SHISA9: variants seen among roughly 807,000 people sequenced by gnomAD.
The protein encoded by SHISA9 is shisa family member 9.
In SHISA9, 13 loss-of-function variants were observed where a neutral mutation model predicts 38.0. The ratio of observed to expected loss-of-function variants is 0.34; its 90% CI spans 0.22 to 0.54. SHISA9 has a LOEUF of 0.54. Ranked by LOEUF, SHISA9 falls within the 20% of genes least tolerant of loss-of-function variation. The pLI is 0.91. For missense variants in SHISA9, 538 were observed against 575.8 expected (o/e 0.93, Z 0.67); for synonymous variants, 275 against 242.0 (o/e 1.14, Z -1.27).
At chr16:13,052,550 G>A (rs2073264803) in intron 2 of SHISA9, among the ~76,000 whole-genome samples, 2 of 152,268 alleles carry the variant, frequency 1.3e-5, no homozygotes, top group South Asian at 4.2e-4. Context: ...TGAAATAATT[G>A]AGTCTTGAAC....
At chr16:13,292,310 A>G in the SHISA9 span, among the ~76,000 whole-genome samples, 4 of 152,062 alleles carry the variant, frequency 2.6e-5, no homozygotes, top group Non-Finnish European at 5.9e-5. Flanking sequence ...AAAATTATGC[A>G]GTTGGAATCC....
the SHISA9 span, among the ~76,000 whole-genome samples, chr16:13,529,656 C>T: frequency 2.0e-5 from 3 of 152,332 alleles, no homozygotes; most frequent in South Asian, 6.2e-4. Context: ...AACCTCCTTG[C>T]AATATGTGAC....
At chr16:13,323,695 G>T in the SHISA9 span, among the ~76,000 whole-genome samples, 245 of 152,290 alleles carry the variant, frequency 1.6e-3, no homozygotes, top group South Asian at 5.2e-3. Context: ...TCACAAGGTG[G>T]CAGGAAGAAG....
chr16:13,117,054 C>T (rs574836285), intron 2 of SHISA9, among the ~76,000 whole-genome samples: 2 of 152,232 alleles, frequency 1.3e-5, no homozygotes, highest in East Asian at 3.9e-4. Flanking sequence ...CTCACTGCAA[C>T]CTCCACCTCC....
rs753329282 is a variant in SHISA9, at chr16:13,203,411, A to C, written c.709A>C (p.Asn237His). The C allele has an allele frequency of 1.3e-6, 2 of 1,537,606 alleles. No individual in the cohort carries two copies. The highest frequency in any genetic ancestry group is 1.4e-5 in the African/African-American group (1 of 72,526). Residue 237 changes from asparagine to histidine, a missense_variant, in exon 3 of 5, where the codon AAC becomes CAC. Asn to His is a moderately conservative substitution (Grantham distance 68, BLOSUM62 1). Transcript: ENST00000558583. ...INNLHATQMN[N>H]AVPTSPLLQQ... ...ACTTCCAGATGCCACCCAGATGAACAACGCAGTGCCCACCTCTCCTCTGCT... is the reference window on the plus strand; with the variant it reads ...ACTTCCAGATGCCACCCAGATGAACCACGCAGTGCCCACCTCTCCTCTGCT...
intron 2 of SHISA9, among the ~76,000 whole-genome samples, chr16:12,947,941 A>G (rs906362175): frequency 6.6e-6 from 1 of 152,230 alleles, no homozygotes; most frequent in South Asian, 2.1e-4. Flanking sequence ...GACAGGGTTT[A>G]GAAGATCATG....
chr16:12,913,106 T>C (rs990129680), intron 1 of SHISA9, among the ~76,000 whole-genome samples: 5 of 152,210 alleles, frequency 3.3e-5, no homozygotes, highest in Non-Finnish European at 1.5e-5. Flanking sequence ...ATTTAAAAAG[T>C]GTACTTTAAA....
chr16:13,085,812 T>TA (rs1194911245), intron 2 of SHISA9, among the ~76,000 whole-genome samples: 1 of 152,092 alleles, frequency 6.6e-6, no homozygotes, highest in Non-Finnish European at 1.5e-5. Context: ...AAGGTTCTAA[T>TA]AAAAAATTAT....
chr16:13,291,137 C>T, the SHISA9 span, among the ~76,000 whole-genome samples: 1 of 152,182 alleles, frequency 6.6e-6, no homozygotes, highest in African/African-American at 2.4e-5. Context: ...TTTCATTCTT[C>T]ACTGGGCTGG....
At chr16:13,175,011 G>A (rs1455680585) in intron 2 of SHISA9, among the ~76,000 whole-genome samples, 1 of 152,150 alleles carries the variant, frequency 6.6e-6, no homozygotes, top group Non-Finnish European at 1.5e-5. Context: ...AATAATCTCA[G>A]CTTCAGTCCC....
the SHISA9 span, among the ~76,000 whole-genome samples, chr16:13,491,817 CCTTTTTTTTT>C: frequency 3.0e-4 from 14 of 46,926 alleles, 1 homozygote; most frequent in African/African-American, 1.1e-3. Context: ...TATTTATTGA[CCTTTTTTTTT>C]TTTTTTTTTT....
the SHISA9 span, among the ~76,000 whole-genome samples, chr16:13,473,794 GT>G: frequency 1.3e-5 from 2 of 152,028 alleles, no homozygotes; most frequent in Admixed American, 1.3e-4. Flanking sequence ...CCACAGGAAA[GT>G]TGTTTGTTTG....
At chr16:13,516,398 C>G in the SHISA9 span, among the ~76,000 whole-genome samples, 1 of 152,142 alleles carries the variant, frequency 6.6e-6, no homozygotes, top group South Asian at 2.1e-4. Context: ...AAAACCCCTA[C>G]AGAAGAAGGA....
intron 2 of SHISA9, among the ~76,000 whole-genome samples, chr16:13,175,410 T>C (rs1197421853): frequency 1.3e-5 from 2 of 152,040 alleles, no homozygotes; most frequent in Admixed American, 1.3e-4. Flanking sequence ...TAAAAAGATT[T>C]GATTTTTTCC....
At chr16:12,938,562 A>G (rs2071565460) in intron 2 of SHISA9, among the ~76,000 whole-genome samples, 1 of 151,662 alleles carries the variant, frequency 6.6e-6, no homozygotes, top group South Asian at 2.1e-4. Flanking sequence ...CAATGGCATG[A>G]TCTTGGCTTC....
chr16:13,408,360 A>G, the SHISA9 span, among the ~76,000 whole-genome samples: 2 of 152,216 alleles, frequency 1.3e-5, no homozygotes, highest in South Asian at 2.1e-4. Context: ...ATAAATGCCA[A>G]ACATCATAAA....
At chr16:13,136,396 C>CTTTTTTTTTTTTTTTTTT (rs35122409) in intron 2 of SHISA9, among the ~76,000 whole-genome samples, 4 of 68,100 alleles carry the variant, frequency 5.9e-5, no homozygotes, top group South Asian at 5.2e-4. Context: ...CAGTTTCCTT[C>CTTTTTTTTTTTTTTTTTT]TTTTTTTTTT....
the SHISA9 span, among the ~76,000 whole-genome samples, chr16:13,342,229 C>T: frequency 6.6e-6 from 1 of 152,146 alleles, no homozygotes; most frequent in Admixed American, 6.5e-5. Flanking sequence ...TCTCAGCTGC[C>T]ACATCAGGGT....
At chr16:12,984,191 C>G (rs1447002104) in intron 2 of SHISA9, among the ~76,000 whole-genome samples, 1 of 152,078 alleles carries the variant, frequency 6.6e-6, no homozygotes, top group Non-Finnish European at 1.5e-5. Context: ...CCTCTTTAAG[C>G]TTCCTTTATC....
Sources: allele counts gnomAD v4.1 joint callset (sites outside exome capture counted in the v4.1 genomes callset), GRCh38; gene constraint gnomAD v4.1.1; transcripts MANE v1.5; gene names NCBI Gene and HGNC (gene_info 2026-07-23, HGNC 2026-07-21).